The following LARP4B variants were observed in gnomAD, a reference collection of about 807,000 sequenced individuals.
The protein encoded by LARP4B is la-related protein 4B.
LARP4B carries 12 observed loss-of-function variants against 89.8 expected under a neutral mutation model. The ratio of observed to expected loss-of-function variants is 0.13; its 90% CI spans 0.09 to 0.22. The LOEUF is 0.22. Ranked by LOEUF, LARP4B falls within the 10% of genes least tolerant of loss-of-function variation. The pLI, the probability that LARP4B is intolerant of heterozygous loss-of-function variation, is 1.00. For synonymous variants in LARP4B, 367 were observed against 363.3 expected (o/e 1.01, Z -0.12); for missense variants, 757 against 947.7 (o/e 0.80, Z 2.64).
intron 1 of LARP4B, among the ~76,000 whole-genome samples, chr10:925,480 A>G (rs947916880): frequency 8.5e-5 from 13 of 152,356 alleles, no homozygotes; most frequent in African/African-American, 2.9e-4. Context: ...TTTATTTTAA[A>G]GCAAAATAAA....
chr10:885,266 G>C (rs1207862613), intron 2 of LARP4B, among the ~76,000 whole-genome samples: 4 of 152,108 alleles, frequency 2.6e-5, no homozygotes, highest in Non-Finnish European at 5.9e-5. Context: ...CAGTTTATTA[G>C]CTCTAGGTCA....
At chr10:934,660 G>A (rs569530169), upstream of LARP4B, among the ~76,000 whole-genome samples, 30 of 152,010 alleles carry the variant, frequency 2.0e-4, no homozygotes, top group African/African-American at 7.2e-4. Flanking sequence ...GAGATGTGAG[G>A]TTATAACATG....
At chr10:917,361 T>C (rs1161419288) in intron 1 of LARP4B, among the ~76,000 whole-genome samples, 1 of 152,228 alleles carries the variant, frequency 6.6e-6, no homozygotes, top group Admixed American at 6.5e-5. Context: ...TATTCATGAG[T>C]ACTCTTATTT....
chr10:955,889 A>T, the LARP4B span, among the ~76,000 whole-genome samples: 4 of 151,368 alleles, frequency 2.6e-5, no homozygotes, highest in East Asian at 1.9e-4. This position sits in a 1 kb window ranked among gnomAD's most constrained non-coding sequence, Gnocchi z 5.2. Context: ...TCCTCCTCTC[A>T]CTCCCACCTG....
At chr10:861,775 C>T (rs1164071911) in intron 5 of LARP4B, among the ~76,000 whole-genome samples, 5 of 152,194 alleles carry the variant, frequency 3.3e-5, no homozygotes, top group African/African-American at 4.8e-5. Context: ...TATCTATCTT[C>T]CATCTTCTGT....
rs12267591 is a variant in LARP4B, at chr10:900,723, G to T, written c.-39-14963C>A. ...TAACCCCTGCCTCCCGAGTTCAAGC[G>T]ATTCTCCTGCCTCAGCCTCTCGAGT... On this transcript the variant is annotated intron_variant, in intron 1 of 17. Coordinates refer to ENST00000316157, the MANE Select transcript of LARP4B (RefSeq NM_015155.3). Among the ~76,000 whole-genome samples, 840 of 148,808 alleles carry T rather than the reference G, an allele frequency of 5.6e-3. 14 individuals carry two copies. The highest frequency in any genetic ancestry group is 0.02 in the African/African-American group (804 of 40,342).
At chr10:839,327 C>T (rs1833397849) in intron 7 of LARP4B, among the ~76,000 whole-genome samples, 1 of 152,172 alleles carries the variant, frequency 6.6e-6, no homozygotes, top group Non-Finnish European at 1.5e-5. Flanking sequence ...GCGGAATGTT[C>T]ATATGGGAAG....
intron 1 of LARP4B, among the ~76,000 whole-genome samples, chr10:917,855 T>C (rs1240243195): frequency 6.6e-6 from 1 of 152,208 alleles, no homozygotes; most frequent in Non-Finnish European, 1.5e-5. Flanking sequence ...AGCCCAAGTA[T>C]AATACTAAAA....
chr10:983,502 T>C, the LARP4B span, among the ~76,000 whole-genome samples: 10 of 152,288 alleles, frequency 6.6e-5, no homozygotes, highest in East Asian at 1.9e-3. Context: ...CCAGCATAGT[T>C]GGGTTCTGGT....
chr10:869,387 A>G (rs1835079974), intron 3 of LARP4B, among the ~76,000 whole-genome samples: 1 of 152,144 alleles, frequency 6.6e-6, no homozygotes. Flanking sequence ...GGCAAAATTC[A>G]CAGACAGAAA....
intron 5 of LARP4B, among the ~76,000 whole-genome samples, chr10:849,084 T>C (rs1432708184): frequency 6.6e-6 from 1 of 152,098 alleles, no homozygotes; most frequent in Non-Finnish European, 1.5e-5. Flanking sequence ...CAAGGTAGAC[T>C]GTGTTAGCCG....
the LARP4B span, among the ~76,000 whole-genome samples, chr10:958,591 T>C: frequency 6.6e-6 from 1 of 152,212 alleles, no homozygotes; most frequent in Non-Finnish European, 1.5e-5. Context: ...CTCTGATTTA[T>C]ATCTTCCCCT....
chr10:977,409 C>T, the LARP4B span, among the ~76,000 whole-genome samples: 1 of 152,028 alleles, frequency 6.6e-6, no homozygotes, highest in Non-Finnish European at 1.5e-5. Flanking sequence ...CGCTGTGATG[C>T]GTGCCTGTAT....
At chr10:856,404 A>C (rs562945538) in intron 5 of LARP4B, among the ~76,000 whole-genome samples, 2 of 152,268 alleles carry the variant, frequency 1.3e-5, no homozygotes, top group Non-Finnish European at 2.9e-5. Flanking sequence ...CTGGTCTGAC[A>C]AGTAAAAAAT....
At chr10:817,667 C>T in intron 15 of LARP4B, 58 bp downstream of exon 15, 4 of 1,531,552 alleles carry the variant, frequency 2.6e-6, no homozygotes, top group Non-Finnish European at 3.6e-6. Context: ...AAGCGCCTGA[C>T]ACGGAACCCG....
intron 1 of LARP4B, among the ~76,000 whole-genome samples, chr10:896,923 C>G (rs1214359380): frequency 2.0e-5 from 3 of 151,164 alleles, no homozygotes; most frequent in African/African-American, 7.3e-5. Flanking sequence ...TTTACAATGC[C>G]AACAAACCCC....
the LARP4B span, among the ~76,000 whole-genome samples, chr10:980,105 C>T: frequency 5.3e-5 from 8 of 152,334 alleles, no homozygotes; most frequent in African/African-American, 1.9e-4. Context: ...AATCTTAAGG[C>T]TCCAAAATAA....
At chr10:982,146 T>TA in the LARP4B span, among the ~76,000 whole-genome samples, 13 of 144,016 alleles carry the variant, frequency 9.0e-5, no homozygotes, top group Admixed American at 2.2e-4. Context: ...GATGGAATCT[T>TA]ACTATGTTGC....
intron 1 of LARP4B, among the ~76,000 whole-genome samples, chr10:887,154 G>A (rs779854883): frequency 6.6e-6 from 1 of 152,088 alleles, no homozygotes; most frequent in Non-Finnish European, 1.5e-5. Flanking sequence ...AGGAAATGAA[G>A]AGATCAATGT....
Sources: allele counts gnomAD v4.1 joint callset (sites outside exome capture counted in the v4.1 genomes callset), GRCh38; gene constraint gnomAD v4.1.1; non-coding constraint Gnocchi (gnomAD v3.1); transcripts MANE v1.5; gene names NCBI Gene and HGNC (gene_info 2026-07-23, HGNC 2026-07-21).